GPR158: variants seen among roughly 807,000 people sequenced by gnomAD.
GPR158 encodes metabotropic glycine receptor.
GPR158 carries 30 observed loss-of-function variants against 78.2 expected under a neutral mutation model. The observed-to-expected ratio is 0.38, with a 90% CI of 0.29 to 0.52. GPR158 has a LOEUF of 0.52. Ranked by LOEUF, GPR158 falls within the 20% of genes least tolerant of loss-of-function variation. The pLI is 0.83. For synonymous variants in GPR158, 581 were observed against 591.1 expected (o/e 0.98, Z 0.25); for missense variants, 1,463 against 1,523.5 (o/e 0.96, Z 0.66).
chr10:25,241,409 C>CTCTTCTCTTCTCTTCTCTTCTCTTT (rs1302467821), intron 2 of GPR158, among the ~76,000 whole-genome samples: 41 of 108,136 alleles, frequency 3.8e-4, no homozygotes, highest in South Asian at 7.8e-4. Flanking sequence ...CTCTTCTCTT[C>CTCTTCTCTTCTCTTCTCTTCTCTTT]TCTTTTCTTT....
chr10:25,350,745 G>A (rs540615825), intron 2 of GPR158, among the ~76,000 whole-genome samples: 38 of 152,096 alleles, frequency 2.5e-4, no homozygotes, highest in African/African-American at 8.7e-4. Context: ...AGACCTGAAT[G>A]CTGGAGAGCA....
intron 4 of GPR158, among the ~76,000 whole-genome samples, chr10:25,462,164 G>A (rs1835366026): frequency 6.6e-6 from 1 of 152,178 alleles, no homozygotes; most frequent in South Asian, 2.1e-4. Flanking sequence ...CTCATTGACT[G>A]TTCTGAAAAT....
chr10:25,241,284 CTTTT>C (rs1351509397), intron 2 of GPR158, among the ~76,000 whole-genome samples: 9,991 of 108,810 alleles, frequency 0.092, 922 homozygotes, highest in Non-Finnish European at 0.12. Context: ...TTCTTTCTTT[CTTTT>C]CTTTTCTTTT....
At chr10:25,367,893 C>T (rs1309132465) in intron 2 of GPR158, among the ~76,000 whole-genome samples, 1 of 151,768 alleles carries the variant, frequency 6.6e-6, no homozygotes, top group Non-Finnish European at 1.5e-5. Flanking sequence ...GGATATATGC[C>T]AATGCCCCAT....
chr10:25,354,071 A>C (rs1855513273), intron 2 of GPR158, among the ~76,000 whole-genome samples: 1 of 152,046 alleles, frequency 6.6e-6, no homozygotes, highest in South Asian at 2.1e-4. Context: ...AAGTTATTAA[A>C]GCCTGGGTGC....
intron 5 of GPR158, among the ~76,000 whole-genome samples, chr10:25,499,705 T>C (rs1835929238): frequency 6.6e-6 from 1 of 152,122 alleles, no homozygotes; most frequent in Non-Finnish European, 1.5e-5. Flanking sequence ...AGAAGTGACA[T>C]GTGACAAAAG....
At chr10:25,579,616 G>A in intron 7 of GPR158, among the ~76,000 whole-genome samples, 1 of 152,122 alleles carries the variant, frequency 6.6e-6, no homozygotes, top group South Asian at 2.1e-4. Context: ...TACCTTACCT[G>A]CAAGAAACAA....
intron 9 of GPR158, 41 bp from the exon 10 acceptor site, chr10:25,596,602 C>T (rs1442635326): frequency 7.2e-6 from 11 of 1,532,550 alleles, no homozygotes; most frequent in Non-Finnish European, 9.9e-6. Flanking sequence ...CAATGCGTTA[C>T]AGTGAGCTAA....
intron 2 of GPR158, among the ~76,000 whole-genome samples, chr10:25,233,535 T>C (rs1853481202): frequency 6.6e-6 from 1 of 152,206 alleles, no homozygotes; most frequent in Non-Finnish European, 1.5e-5. Context: ...AATACCAGAA[T>C]TTATAGGTGT....
intron 2 of GPR158, among the ~76,000 whole-genome samples, chr10:25,355,235 C>T (rs1362271259): frequency 7.3e-6 from 1 of 136,940 alleles, no homozygotes; most frequent in Non-Finnish European, 1.5e-5. Context: ...TCCTTTTTCT[C>T]CTCTTTATTT....
chr10:25,327,885 T>A (rs1855059649), intron 2 of GPR158, among the ~76,000 whole-genome samples: 1 of 152,224 alleles, frequency 6.6e-6, no homozygotes. Flanking sequence ...TTATATTTTT[T>A]GAAAGTTTGT....
Position 25,572,876 on chromosome 10 carries a change from TG to T in GPR158, c.1743del (p.Met581IlefsTer64). On this transcript the variant is annotated frameshift_variant, in exon 7 of 11. Transcript: ENST00000376351. LOFTEE classifies it high-confidence loss of function. ...TGCCTCATTGACCGCTGGGACTACA[TG>T]ACAGCAGTTGGTATGTGGTCACTTG... ...NMCLIDRWDYMTAVAEFLFLL... is the reference protein window; with the variant it reads ...NMCLIDRWDYXTAVAEFLFLL... The T allele has an allele frequency of 6.3e-7, 1 of 1,584,706 alleles. No individual in the cohort carries two copies. Among genetic ancestry groups the T allele is most frequent in the Non-Finnish European group, 8.7e-7 (1 of 1,153,176 alleles).
intron 5 of GPR158, among the ~76,000 whole-genome samples, chr10:25,540,248 A>G (rs944624950): frequency 2.6e-5 from 4 of 152,220 alleles, no homozygotes; most frequent in East Asian, 3.9e-4. Context: ...ATGAGATACC[A>G]TCTCATACCA....
chr10:25,346,251 T>C lies in GPR158; in HGVS notation c.1009-49660T>C, dbSNP rs117589683. 6.7e-3 allele frequency among the ~76,000 whole-genome samples: 1,018 copies of C among 152,058 alleles called. 6 individuals are homozygous for C. The highest frequency in any genetic ancestry group is 1.0e-2 in the Non-Finnish European group (677 of 67,930). ...AATTATTTTGAACAAAGAAGTATTT[T>C]GCTGGGAAGACAAAACAACTGGGTA... On this transcript the variant is annotated intron_variant, in intron 2 of 10. Coordinates refer to ENST00000376351, the MANE Select transcript of GPR158 (RefSeq NM_020752.3).
intron 2 of GPR158, among the ~76,000 whole-genome samples, chr10:25,339,591 T>G (rs1375387085): frequency 6.6e-6 from 1 of 152,046 alleles, no homozygotes; most frequent in Non-Finnish European, 1.5e-5. Flanking sequence ...CCTATTTCAG[T>G]GGGAAAGCTT....
At chr10:25,360,368 G>GTTT (rs199696170) in intron 2 of GPR158, among the ~76,000 whole-genome samples, 13,120 of 152,098 alleles carry the variant, frequency 0.086, 689 homozygotes, top group South Asian at 0.22. Context: ...TTCTTCTAGG[G>GTTT]TTTTTATGGC....
At chr10:25,585,180 C>T (rs1837251294) in intron 7 of GPR158, among the ~76,000 whole-genome samples, 1 of 152,188 alleles carries the variant, frequency 6.6e-6, no homozygotes, top group South Asian at 2.1e-4. Flanking sequence ...AGGCTAATGG[C>T]TTGCTTATTT....
chr10:25,241,289 CT>C (rs892525045), intron 2 of GPR158, among the ~76,000 whole-genome samples: 1,697 of 103,202 alleles, frequency 0.016, 127 homozygotes, highest in Non-Finnish European at 0.019. Flanking sequence ...TCTTTCTTTT[CT>C]TTTCTTTTCT....
intron 3 of GPR158, among the ~76,000 whole-genome samples, chr10:25,407,134 CAAGTTCTTATCTT>C (rs1362520363): frequency 6.6e-6 from 1 of 152,080 alleles, no homozygotes; most frequent in Admixed American, 6.6e-5. Context: ...TATCTATGTC[CAAGTTCTTATCTT>C]AAGTTCTGCT....
Sources: gnomAD v4.1 joint callset for allele counts (sites outside exome capture counted in the v4.1 genomes callset) on GRCh38, gnomAD v4.1.1 for gene constraint, MANE v1.5 for transcripts, NCBI Gene and HGNC (gene_info 2026-07-23, HGNC 2026-07-21) for gene names.